Variants in SLCO6A1 observed in about 807,000 individuals in gnomAD.
SLCO6A1 encodes cancer/testis antigen 48.
A neutral mutation model predicts 72.7 loss-of-function variants in SLCO6A1; 65 were observed. The ratio of observed to expected loss-of-function variants is 0.89; its 90% CI spans 0.73 to 1.10. The LOEUF is 1.10. Ranked by LOEUF, SLCO6A1 falls within the 50% of genes least tolerant of loss-of-function variation. The probability of loss-of-function intolerance (pLI) is 0.00; values close to 1 mark genes in which losing one functional copy is unlikely to be tolerated. For synonymous variants in SLCO6A1, 314 were observed against 298.2 expected, an observed-to-expected ratio of 1.05 and a Z score of -0.55; for missense variants, 874 against 872.6, an observed-to-expected ratio of 1.00 and a Z score of -0.02.
chr5:102,485,285 TAAATAAATA>T (rs748003848), intron 1 of SLCO6A1, among the ~76,000 whole-genome samples: 1,668 of 125,996 alleles, frequency 0.013, 15 homozygotes, highest in African/African-American at 0.043. Flanking sequence ...AATAAATAAA[TAAATAAATA>T]AAATAAAATA....
At chr5:102,434,912 A>G (rs766632539) in intron 7 of SLCO6A1, among the ~76,000 whole-genome samples, 1 of 152,200 alleles carries the variant, frequency 6.6e-6, no homozygotes. Flanking sequence ...AAGAAAAAAA[A>G]TTATAGCCAC....
chr5:102,431,551 T>G (rs1390791667), intron 7 of SLCO6A1, among the ~76,000 whole-genome samples: 2 of 152,196 alleles, frequency 1.3e-5, no homozygotes, highest in Non-Finnish European at 1.5e-5. Context: ...CTGAGCAATT[T>G]AATTAGTCTT....
intron 4 of SLCO6A1, among the ~76,000 whole-genome samples, chr5:102,473,385 A>G (rs939594118): frequency 1.3e-5 from 2 of 152,196 alleles, no homozygotes; most frequent in Non-Finnish European, 2.9e-5. Context: ...GATCATGTCA[A>G]TTGATTCAGA....
chr5:102,473,095 C>T (rs7711687), intron 4 of SLCO6A1, among the ~76,000 whole-genome samples: 98,227 of 151,754 alleles, frequency 0.65, 31,990 homozygotes, highest in African/African-American at 0.67. Context: ...CTCCAAGTAA[C>T]TGAAGAGGAG....
intron 10 of SLCO6A1, among the ~76,000 whole-genome samples, chr5:102,398,849 T>C (rs1747244139): frequency 6.6e-6 from 1 of 152,114 alleles, no homozygotes; most frequent in African/African-American, 2.4e-5. Context: ...AGAAATCATT[T>C]ATCTTTATAA....
intron 10 of SLCO6A1, among the ~76,000 whole-genome samples, chr5:102,397,752 A>G (rs1747175102): frequency 6.6e-6 from 1 of 152,076 alleles, no homozygotes; most frequent in Non-Finnish European, 1.5e-5. Flanking sequence ...TCCTTATAAC[A>G]TCTTCTGAAC....
At chr5:102,395,196 C>T (rs1353287518) in intron 10 of SLCO6A1, among the ~76,000 whole-genome samples, 14 of 151,978 alleles carry the variant, frequency 9.2e-5, no homozygotes, top group African/African-American at 2.7e-4. Flanking sequence ...CCACCTCCCC[C>T]GACCCCACAA....
In SLCO6A1 at chr5:102,480,160, A is replaced by G. The variant is rs774941171; in HGVS notation, c.616+17T>C. The G allele has an allele frequency of 1.3e-6, 2 of 1,584,698 alleles. No homozygotes were observed. The highest frequency in any genetic ancestry group is 1.9e-4 in the Middle Eastern group (1 of 5,334). Reference sequence around the variant, plus strand: ...GAATATTGATTTGATGTATGACAGTATATTTTAAAACCTTACCTTCAATTC... The same window carrying G: ...GAATATTGATTTGATGTATGACAGTGTATTTTAAAACCTTACCTTCAATTC... On this transcript the variant is annotated intron_variant, in intron 2 of 13. Coordinates refer to ENST00000506729, the MANE Select transcript of SLCO6A1 (RefSeq NM_173488.5).
chr5:102,484,591 C>T (rs563624368), intron 1 of SLCO6A1, among the ~76,000 whole-genome samples: 2 of 151,830 alleles, frequency 1.3e-5, no homozygotes, highest in African/African-American at 4.8e-5. Flanking sequence ...CAGAGGTTTA[C>T]AGTGAGCCAA....
intron 7 of SLCO6A1, among the ~76,000 whole-genome samples, chr5:102,420,839 C>T (rs931171857): frequency 1.3e-5 from 2 of 152,074 alleles, no homozygotes; most frequent in African/African-American, 4.8e-5. Context: ...AGATAAATGA[C>T]ATAAAGAGCT....
At chr5:102,455,465 T>C (rs1750660184) in intron 6 of SLCO6A1, among the ~76,000 whole-genome samples, 1 of 152,152 alleles carries the variant, frequency 6.6e-6, no homozygotes, top group Non-Finnish European at 1.5e-5. Flanking sequence ...TTATTTAAGT[T>C]GGTGTTTTTT....
At chr5:102,455,128 AGAG>A (rs1477594249) in intron 6 of SLCO6A1, among the ~76,000 whole-genome samples, 1 of 151,002 alleles carries the variant, frequency 6.6e-6, no homozygotes, top group African/African-American at 2.4e-5. Flanking sequence ...TTTTTATAAT[AGAG>A]AAGAGAGACA....
intron 1 of SLCO6A1, among the ~76,000 whole-genome samples, chr5:102,481,320 G>A (rs1752182023): frequency 6.6e-6 from 1 of 152,152 alleles, no homozygotes; most frequent in Non-Finnish European, 1.5e-5. Flanking sequence ...AGGTGCCAGA[G>A]CCCATGGGCT....
chr5:102,403,123 T>G (rs1195249493), intron 9 of SLCO6A1, among the ~76,000 whole-genome samples: 1 of 152,218 alleles, frequency 6.6e-6, no homozygotes, highest in Non-Finnish European at 1.5e-5. Flanking sequence ...GTTGCTGCTC[T>G]GCTGAGTGTG....
At chr5:102,385,475 T>C (rs1044116266) in intron 12 of SLCO6A1, among the ~76,000 whole-genome samples, 5 of 152,174 alleles carry the variant, frequency 3.3e-5, no homozygotes, top group Non-Finnish European at 7.4e-5. Context: ...GTAATTCCAA[T>C]AGGCTTTCTT....
intron 10 of SLCO6A1, among the ~76,000 whole-genome samples, chr5:102,399,075 G>T (rs941260198): frequency 6.6e-6 from 1 of 151,738 alleles, no homozygotes; most frequent in Non-Finnish European, 1.5e-5. Context: ...TAGGAAGAAC[G>T]CATAAATAAT....
rs886595317 is a variant in SLCO6A1, at chr5:102,398,026, T to C, written c.1814+1529A>G. On this transcript the variant is annotated intron_variant, in intron 10 of 13. Transcript: ENST00000506729. The stretch of plus-strand genomic sequence containing the variant: ...ACACTAACTAATAAATGTTCAATAT[T>C]GTACTGATCATCTTCAGTCTGAGGT... Among the ~76,000 whole-genome samples the C allele has an allele frequency of 3.9e-5, 6 of 152,172 alleles. No homozygotes were observed. In the East Asian group the frequency reaches 9.6e-4, roughly 24 times the overall value.
At chr5:102,488,876 C>G (rs990765737) in intron 1 of SLCO6A1, among the ~76,000 whole-genome samples, 1 of 152,052 alleles carries the variant, frequency 6.6e-6, no homozygotes, top group Admixed American at 6.5e-5. Context: ...AAGACCCACT[C>G]TAAAAATGCT....
rs79482113 is a variant in SLCO6A1, at chr5:102,376,081, G to A, written c.2018-2587C>T. ...AAAAAGACATATTACATGTTGGAAA[G>A]CAACATCACTAATGACAGCTAACTT... is the stretch of plus-strand genomic sequence containing the variant. On this transcript the variant is annotated intron_variant, in intron 12 of 13. Transcript: ENST00000506729. 4.7e-3 allele frequency among the ~76,000 whole-genome samples: 713 copies of A among 152,234 alleles called. 56 individuals carry two copies. In the East Asian group the frequency reaches 0.12, roughly 25 times the overall value.
Sources: allele counts gnomAD v4.1 joint callset (sites outside exome capture counted in the v4.1 genomes callset), GRCh38; gene constraint gnomAD v4.1.1; transcripts MANE v1.5; gene names NCBI Gene and HGNC (gene_info 2026-07-23, HGNC 2026-07-21).